WWOX: variants seen among roughly 807,000 people sequenced by gnomAD.
WWOX encodes WW domain containing oxidoreductase, also known as WW domain-containing oxidoreductase.
A neutral mutation model predicts 46.2 loss-of-function variants in WWOX; 69 were observed. The ratio of observed to expected loss-of-function variants is 1.49; its 90% CI spans 1.23 to 1.82. WWOX has a LOEUF of 1.82. WWOX is among the 40% of genes most tolerant of loss of function. The pLI, the probability that WWOX is intolerant of heterozygous loss-of-function variation, is 0.00. For synonymous variants in WWOX, 359 were observed against 202.6 expected (o/e 1.77, Z -6.56); for missense variants, 919 against 542.6 (o/e 1.69, Z -6.89).
rs8063506 is a variant in WWOX at position 79,162,423 on chromosome 16, C to T, written c.1057-49185C>T. On this transcript the variant is annotated intron_variant, in intron 8 of 8. Coordinates refer to ENST00000566780, the MANE Select transcript of WWOX (RefSeq NM_016373.4). ...CTGGTTGCCTGATTCAAGTTAGGGG[C>T]TTCTTCTGGATTCCGTAGGTAGGAT... 4.8e-3 allele frequency among the ~76,000 whole-genome samples: 733 copies of T among 152,276 alleles called. 7 individuals are homozygous for T. The highest frequency in any genetic ancestry group is 0.017 in the African/African-American group (703 of 41,544).
At chr16:78,250,822 A>G (rs746522684) in intron 5 of WWOX, among the ~76,000 whole-genome samples, 1 of 152,120 alleles carries the variant, frequency 6.6e-6, no homozygotes, top group Non-Finnish European at 1.5e-5. Flanking sequence ...TGCAAATGTC[A>G]TGTGGTTTAT....
chr16:79,197,178 T>C (rs547943771), intron 8 of WWOX, among the ~76,000 whole-genome samples: 1 of 152,262 alleles, frequency 6.6e-6, no homozygotes, highest in South Asian at 2.1e-4. Context: ...TCAGGTACCC[T>C]AAGCTGGTTT....
At chr16:78,684,177 C>T (rs1333676687) in intron 8 of WWOX, among the ~76,000 whole-genome samples, 1 of 152,120 alleles carries the variant, frequency 6.6e-6, no homozygotes, top group Non-Finnish European at 1.5e-5. Context: ...AATTCCCTAG[C>T]GCAGAAATCC....
chr16:78,618,389 TTC>T (rs1342988694), intron 8 of WWOX, among the ~76,000 whole-genome samples: 10 of 152,190 alleles, frequency 6.6e-5, no homozygotes, highest in Admixed American at 2.0e-4. Flanking sequence ...CAGGGTTGGT[TTC>T]TCTCTGTACC....
At chr16:78,260,216 C>A (rs1224583304) in intron 5 of WWOX, among the ~76,000 whole-genome samples, 1 of 151,426 alleles carries the variant, frequency 6.6e-6, no homozygotes, top group Non-Finnish European at 1.5e-5. Context: ...CTGGAGTAGA[C>A]CCCCAGCAAA....
At chr16:78,408,743 G>C (rs1326950396) in intron 6 of WWOX, among the ~76,000 whole-genome samples, 2 of 152,150 alleles carry the variant, frequency 1.3e-5, no homozygotes, top group East Asian at 3.9e-4. Context: ...TAAAGAGCAA[G>C]GGAAGAATTC....
At chr16:78,355,356 A>G (rs2081262837) in intron 5 of WWOX, among the ~76,000 whole-genome samples, 1 of 151,994 alleles carries the variant, frequency 6.6e-6, no homozygotes, top group African/African-American at 2.4e-5. Flanking sequence ...TAATCCCAGC[A>G]CTTTGGGAGG....
At chr16:78,719,478 T>G (rs1259110465) in intron 8 of WWOX, among the ~76,000 whole-genome samples, 3 of 152,334 alleles carry the variant, frequency 2.0e-5, no homozygotes, top group Admixed American at 2.0e-4. Flanking sequence ...AGAAATGTTA[T>G]GATGGCCCTG....
At chr16:78,910,877 G>C (rs771966722) in intron 8 of WWOX, among the ~76,000 whole-genome samples, 7 of 151,880 alleles carry the variant, frequency 4.6e-5, no homozygotes, top group Non-Finnish European at 8.8e-5. Context: ...TTTGGGTGGG[G>C]ACACAGCCAA....
chr16:78,790,440 T>C (rs2050566011), intron 8 of WWOX, among the ~76,000 whole-genome samples: 1 of 152,080 alleles, frequency 6.6e-6, no homozygotes, highest in African/African-American at 2.4e-5. Flanking sequence ...CAGCTCAGCA[T>C]TATTATTTTT....
intron 4 of WWOX, among the ~76,000 whole-genome samples, chr16:78,136,507 A>G (rs528280720): frequency 1.0e-3 from 153 of 152,298 alleles, no homozygotes; most frequent in African/African-American, 3.5e-3. Context: ...TCAAATCTAG[A>G]GGACAAAACC....
rs369799092 is a variant in WWOX at position 78,943,990 on chromosome 16, T to G, written c.1057-267618T>G. 1.5e-3 allele frequency among the ~76,000 whole-genome samples: 224 copies of G among 152,240 alleles called. 2 individuals are homozygous for G. The highest frequency in any genetic ancestry group is 5.2e-3 in the African/African-American group (215 of 41,548). On this transcript the variant is annotated intron_variant, in intron 8 of 8. Transcript: ENST00000566780. Reference sequence around the variant, plus strand: ...CATTTTCAGGTCCTTCACCAGATATTTTAGAAGCTCATCAAGGAAAGGACG... The same window carrying G: ...CATTTTCAGGTCCTTCACCAGATATGTTAGAAGCTCATCAAGGAAAGGACG...
chr16:78,864,616 G>C (rs1474947537), intron 8 of WWOX, among the ~76,000 whole-genome samples: 1 of 152,036 alleles, frequency 6.6e-6, no homozygotes, highest in African/African-American at 2.4e-5. Flanking sequence ...TCCATGATGT[G>C]ATTCTGGCTG....
At chr16:78,616,391 A>G (rs1051749048) in intron 8 of WWOX, among the ~76,000 whole-genome samples, 1 of 151,996 alleles carries the variant, frequency 6.6e-6, no homozygotes, top group African/African-American at 2.4e-5. Flanking sequence ...TCCGGTGAGG[A>G]TTTGTTTTTG....
chr16:78,220,485 C>T (rs187952004), intron 5 of WWOX, among the ~76,000 whole-genome samples: 1 of 152,216 alleles, frequency 6.6e-6, no homozygotes, highest in East Asian at 1.9e-4. Context: ...AATTTCTCGA[C>T]AGTCTCCCAT....
At chr16:78,738,117 A>T (rs1218062862) in intron 8 of WWOX, among the ~76,000 whole-genome samples, 2 of 152,160 alleles carry the variant, frequency 1.3e-5, no homozygotes, top group African/African-American at 4.8e-5. Flanking sequence ...TCTTCCTGAA[A>T]AACAGTTCAA....
intron 8 of WWOX, among the ~76,000 whole-genome samples, chr16:78,528,849 C>G (rs2043547464): frequency 6.6e-6 from 1 of 152,074 alleles, no homozygotes; most frequent in Admixed American, 6.5e-5. Context: ...TATGTAACCT[C>G]AGCCATCTTG....
chr16:79,016,687 T>G (rs1242639721), intron 8 of WWOX: 1 of 152,078 alleles, frequency 6.6e-6, no homozygotes, highest in African/African-American at 2.4e-5. Flanking sequence ...CTTCCCAAAG[T>G]GCTGGGATTA....
chr16:78,683,982 A>C (rs1394899522), intron 8 of WWOX, among the ~76,000 whole-genome samples: 3 of 152,220 alleles, frequency 2.0e-5, no homozygotes, highest in East Asian at 1.9e-4. Context: ...CCCCTCCTGC[A>C]CAACTGTGGC....
Sources: gnomAD v4.1 joint callset for allele counts (sites outside exome capture counted in the v4.1 genomes callset) on GRCh38, gnomAD v4.1.1 for gene constraint, MANE v1.5 for transcripts, NCBI Gene and HGNC (gene_info 2026-07-23, HGNC 2026-07-21) for gene names.